The following USP6NL variants were observed in gnomAD, a reference collection of about 807,000 sequenced individuals.
USP6NL encodes USP6 N-terminal like, also known as USP6 N-terminal-like protein.
In USP6NL, 26 loss-of-function variants were observed where a neutral mutation model predicts 61.9. The ratio of observed to expected loss-of-function variants is 0.42; its 90% CI spans 0.31 to 0.58. The LOEUF (loss-of-function observed/expected upper bound fraction) is 0.58, where lower values mean the gene tolerates loss of function less well. Ranked by LOEUF, USP6NL falls within the 20% of genes least tolerant of loss-of-function variation. USP6NL has a pLI of 0.16. For missense variants in USP6NL, 1,114 were observed against 1,034.3 expected, an observed-to-expected ratio of 1.08 and a Z score of -1.06; for synonymous variants, 432 against 390.1, an observed-to-expected ratio of 1.11 and a Z score of -1.27.
rs910285821 is a variant in USP6NL at position 11,592,132 on chromosome 10, A to C, written c.4+5499T>G. Among the ~76,000 whole-genome samples, 5 of 152,192 alleles carry C rather than the reference A, an allele frequency of 3.3e-5. No homozygotes were observed. The highest frequency in any genetic ancestry group is 9.6e-5 in the African/African-American group (4 of 41,452). ...GGTGATCTGGCCACCTCAGCCTCCC[A>C]AAGTATTGGCATTACAGCCGTGAGC... On this transcript the variant is annotated intron_variant, in intron 2 of 14. Transcript: ENST00000609104. The surrounding 1 kb of genome is among the most constrained non-coding windows in gnomAD (Gnocchi z 4.7).
At chr10:11,603,724 C>A (rs1164899476) in intron 1 of USP6NL, among the ~76,000 whole-genome samples, 1 of 152,186 alleles carries the variant, frequency 6.6e-6, no homozygotes, top group Non-Finnish European at 1.5e-5. Context: ...TGGGATAAAA[C>A]AATCAAGACA....
Position 11,553,964 on chromosome 10 carries a change from T to A in USP6NL, c.5-26397A>T, listed in dbSNP as rs1249135498. On this transcript the variant is annotated intron_variant, in intron 2 of 14. Coordinates refer to ENST00000609104, the MANE Select transcript of USP6NL (RefSeq NM_014688.5). This position sits in a 1 kb window ranked among gnomAD's most constrained non-coding sequence, Gnocchi z 4.8. ...TCCTGATGTCTAAGAAATCTAGATA[T>A]AAGTCATCCAGGTCTGATATGGGGA... Among the ~76,000 whole-genome samples, 1 of 151,696 alleles carries A rather than the reference T, an allele frequency of 6.6e-6. No homozygotes were observed. The highest frequency in any genetic ancestry group is 2.4e-5 in the African/African-American group (1 of 41,284).
Position 11,493,528 on chromosome 10 carries a change from A to G in USP6NL, c.385-300T>C, listed in dbSNP as rs147940659. 4.2e-3 allele frequency among the ~76,000 whole-genome samples: 633 copies of G among 152,256 alleles called. 2 individuals carry two copies. The highest frequency in any genetic ancestry group is 7.3e-3 in the Non-Finnish European group (496 of 68,024). On this transcript the variant is annotated intron_variant, in intron 7 of 14. Transcript: ENST00000609104. The stretch of plus-strand genomic sequence containing the variant: ...TTTTCAGAGTTGGCACTGCTGAACT[A>G]TGTGAAAGTTCTTCATGGCTGAGCC...
At position 11,575,351 on chromosome 10, in the gene USP6NL, C is replaced by T. The variant is rs2133585112; in HGVS notation, c.4+22280G>A. Among the ~76,000 whole-genome samples the T allele has an allele frequency of 6.6e-6, 1 of 152,308 alleles. No homozygotes were observed. Among genetic ancestry groups the T allele is most frequent in the Non-Finnish European group, 1.5e-5 (1 of 68,014 alleles). On this transcript the variant is annotated intron_variant, in intron 2 of 14. Transcript: ENST00000609104. The surrounding 1 kb of genome is among the most constrained non-coding windows in gnomAD (Gnocchi z 4.2). ...TTAAGTATCTACTGCCTTTGTTTTC[C>T]AATCATGTTTCCAGCTCCTGAGAAA... is the stretch of plus-strand genomic sequence containing the variant.
chr10:11,573,050 A>C (rs1588400809), intron 2 of USP6NL, among the ~76,000 whole-genome samples: 1 of 152,286 alleles, frequency 6.6e-6, no homozygotes, highest in Non-Finnish European at 1.5e-5. Flanking sequence ...TGTTTTTAAT[A>C]TAATTAACAT....
chr10:11,477,748 G>A (rs1376530048), intron 14 of USP6NL, among the ~76,000 whole-genome samples: 1 of 152,104 alleles, frequency 6.6e-6, no homozygotes, highest in Non-Finnish European at 1.5e-5. Flanking sequence ...TAACAACCAA[G>A]TAAAGTTTAT....
At chr10:11,559,557 G>A (rs1321649508) in intron 2 of USP6NL, among the ~76,000 whole-genome samples, 1 of 150,098 alleles carries the variant, frequency 6.7e-6, no homozygotes, top group African/African-American at 2.4e-5. Context: ...TAACATGTAT[G>A]GAGCTCCAAA....
At chr10:11,551,224 A>G (rs1176316103) in intron 2 of USP6NL, among the ~76,000 whole-genome samples, 1 of 152,214 alleles carries the variant, frequency 6.6e-6, no homozygotes, top group East Asian at 1.9e-4. Flanking sequence ...ATATCCATCA[A>G]TTGGTGAAAA....
chr10:11,602,672 G>A lies in USP6NL; in HGVS notation c.-83-4955C>T, dbSNP rs1217300294. ...ATCTAAACTTTCTGAAATCAGACACGTTTTGAGCACTGACGTGACACTCAA... is the reference window on the plus strand; with the variant it reads ...ATCTAAACTTTCTGAAATCAGACACATTTTGAGCACTGACGTGACACTCAA... On this transcript the variant is annotated intron_variant, in intron 1 of 14. Transcript: ENST00000609104. The surrounding 1 kb of genome is among the most constrained non-coding windows in gnomAD (Gnocchi z 4.8). 6.6e-6 allele frequency among the ~76,000 whole-genome samples: 1 copy of A among 152,142 alleles called. No individual in the cohort carries two copies. The highest frequency in any genetic ancestry group is 1.5e-5 in the Non-Finnish European group (1 of 68,014).
intron 2 of USP6NL, among the ~76,000 whole-genome samples, chr10:11,571,058 T>C (rs546408514): frequency 6.6e-6 from 1 of 151,758 alleles, no homozygotes; most frequent in African/African-American, 2.4e-5. Flanking sequence ...CATTCACTTT[T>C]ATAATTTCCC....
At position 11,589,711 on chromosome 10, in the gene USP6NL, A is replaced by T. The variant is rs1404420113; in HGVS notation, c.4+7920T>A. Among the ~76,000 whole-genome samples, 1 of 152,228 alleles carries T rather than the reference A, an allele frequency of 6.6e-6. No individual in the cohort carries two copies. Among genetic ancestry groups the T allele is most frequent in the African/African-American group, 2.4e-5 (1 of 41,452 alleles). ...TTCTATTCCACTCTTCTAACATCTA[A>T]AACAGGCAACTGTATTTTTAAAAAG... On this transcript the variant is annotated intron_variant, in intron 2 of 14. Coordinates refer to ENST00000609104, the MANE Select transcript of USP6NL (RefSeq NM_014688.5). This position sits in a 1 kb window ranked among gnomAD's most constrained non-coding sequence, Gnocchi z 4.7.
rs1834683971 is a variant in USP6NL, at chr10:11,510,916, G to A, written c.196-1241C>T. Among the ~76,000 whole-genome samples, 1 of 152,196 alleles carries A rather than the reference G, an allele frequency of 6.6e-6. No individual in the cohort carries two copies. The highest frequency in any genetic ancestry group is 2.1e-4 in the South Asian group (1 of 4,830). On this transcript the variant is annotated intron_variant, in intron 5 of 14. Transcript: ENST00000609104. The surrounding 1 kb of genome is among the most constrained non-coding windows in gnomAD (Gnocchi z 4.8). ...CCACCACATCTCTGGCTCCCATCCT[G>A]TCCTCTGCCCTAGTTCAGGCAATCA...
intron 2 of USP6NL, among the ~76,000 whole-genome samples, chr10:11,549,471 T>C (rs879567024): frequency 6.6e-6 from 1 of 152,206 alleles, no homozygotes; most frequent in African/African-American, 2.4e-5. Context: ...TATGTTTAAG[T>C]ATCTACTACT....
rs191612938 is a variant in USP6NL at position 11,551,065 on chromosome 10, G to C, written c.5-23498C>G. Among the ~76,000 whole-genome samples, 319 of 152,230 alleles carry C rather than the reference G, an allele frequency of 2.1e-3. 2 individuals are homozygous for C. Among genetic ancestry groups the C allele is most frequent in the African/African-American group, 7.3e-3 (305 of 41,544 alleles). On this transcript the variant is annotated intron_variant, in intron 2 of 14. Transcript: ENST00000609104. Reference sequence around the variant, plus strand: ...AATGGTACAGCCATGTTAGAAATGAGAGCATGTGTCTTATAAAGTTAGATA... The same window carrying C: ...AATGGTACAGCCATGTTAGAAATGACAGCATGTGTCTTATAAAGTTAGATA...
intron 2 of USP6NL, among the ~76,000 whole-genome samples, chr10:11,584,950 GAAAC>G (rs1311498137): frequency 5.3e-5 from 8 of 151,766 alleles, no homozygotes; most frequent in Non-Finnish European, 5.9e-5. Flanking sequence ...AAAAAACAAA[GAAAC>G]AAACAAAAAA....
intron 2 of USP6NL, among the ~76,000 whole-genome samples, chr10:11,544,382 CCTT>C (rs199864618): frequency 0.01 from 1,583 of 152,262 alleles, 30 homozygotes; most frequent in African/African-American, 0.034. Context: ...GATCTGCCAT[CCTT>C]CTCACTGTGG....
intron 14 of USP6NL, among the ~76,000 whole-genome samples, chr10:11,472,172 G>GA (rs1201454363): frequency 6.6e-6 from 1 of 152,034 alleles, no homozygotes; most frequent in Non-Finnish European, 1.5e-5. Flanking sequence ...ATACATTTTA[G>GA]AAAAAAGCAA....
rs933493726 is a variant in USP6NL, at chr10:11,598,507, G to C, written c.-83-790C>G. On this transcript the variant is annotated intron_variant, in intron 1 of 14. Coordinates refer to ENST00000609104, the MANE Select transcript of USP6NL (RefSeq NM_014688.5). This position sits in a 1 kb window ranked among gnomAD's most constrained non-coding sequence, Gnocchi z 4.7. ...CTGTATTTCTAAAATATTAATATAG[G>C]TATAAATATTAATGCTATATTTAAA... 6.6e-6 allele frequency among the ~76,000 whole-genome samples: 1 copy of C among 151,780 alleles called. No individual in the cohort carries two copies. The highest frequency in any genetic ancestry group is 1.5e-5 in the Non-Finnish European group (1 of 67,968).
At chr10:11,471,716 T>C (rs1832758107) in intron 14 of USP6NL, among the ~76,000 whole-genome samples, 2 of 150,610 alleles carry the variant, frequency 1.3e-5, no homozygotes, top group African/African-American at 2.5e-5. Context: ...CTCAGCAAAC[T>C]ATTGCAAGGA....
Sources: gnomAD v4.1 joint callset for allele counts (sites outside exome capture counted in the v4.1 genomes callset) on GRCh38, gnomAD v4.1.1 for gene constraint, Gnocchi (gnomAD v3.1) non-coding constraint, MANE v1.5 for transcripts, NCBI Gene and HGNC (gene_info 2026-07-23, HGNC 2026-07-21) for gene names.